The following FGF14 variants were observed in gnomAD, a reference collection of about 807,000 sequenced individuals.
FGF14 encodes fibroblast growth factor homologous factor 4.
Under a neutral mutation model 25.5 loss-of-function variants are expected in FGF14, and 5 were observed. The observed-to-expected ratio is 0.20, with a 90% confidence interval of 0.10 to 0.41. The LOEUF (loss-of-function observed/expected upper bound fraction) is 0.41, where lower values mean the gene tolerates loss of function less well. Ranked by LOEUF, FGF14 falls within the 10% of genes least tolerant of loss-of-function variation. FGF14 has a pLI of 1.00. For synonymous variants in FGF14, 138 were observed against 118.3 expected (o/e 1.17, Z -1.08); for missense variants, 222 against 320.1 (o/e 0.69, Z 2.34).
intron 1 of FGF14, among the ~76,000 whole-genome samples, chr13:102,040,788 T>C (rs979874409): frequency 3.3e-5 from 5 of 152,304 alleles, no homozygotes; most frequent in East Asian, 1.9e-4. Flanking sequence ...CCTGGGAAAA[T>C]TGCAGTGCCT....
rs370683665 is a variant in FGF14, at chr13:101,867,889, G to GACACACAC, written c.408+828_408+835dup. Among the ~76,000 whole-genome samples the GACACACAC allele has an allele frequency of 8.1e-3, 1,145 of 140,646 alleles. 3 individuals carry two copies. The highest frequency in any genetic ancestry group is 0.012 in the East Asian group (53 of 4,568). 92.3% of individuals were successfully genotyped at this position (140,646 alleles called of 152,430 possible). On this transcript the variant is annotated intron_variant, in intron 3 of 4. Coordinates refer to ENST00000376143, the MANE Select transcript of FGF14 (RefSeq NM_004115.4). The stretch of plus-strand genomic sequence containing the variant: ...CCCCCTGGAGAATGTTTCTGTTTAA[G>GACACACAC]ACACACACACACACACACACACACA...
chr13:102,153,089 A>C (rs115477606), intron 1 of FGF14, among the ~76,000 whole-genome samples: 39 of 152,282 alleles, frequency 2.6e-4, no homozygotes, highest in African/African-American at 9.4e-4. Context: ...CTATAGAGTG[A>C]AGCGATTAAC....
At chr13:101,959,196 C>T (rs1007310681) in intron 1 of FGF14, among the ~76,000 whole-genome samples, 3 of 152,130 alleles carry the variant, frequency 2.0e-5, no homozygotes, top group African/African-American at 7.2e-5. Context: ...TTGTGCCACC[C>T]TGATCTGACA....
intron 1 of FGF14, among the ~76,000 whole-genome samples, chr13:102,246,437 C>G (rs1388551627): frequency 6.6e-6 from 1 of 151,886 alleles, no homozygotes; most frequent in Non-Finnish European, 1.5e-5. Context: ...AATGGCAAAC[C>G]CTCAACTTAT....
At chr13:102,372,374 A>G (rs2057910571) in intron 1 of FGF14, among the ~76,000 whole-genome samples, 1 of 152,190 alleles carries the variant, frequency 6.6e-6, no homozygotes, top group Admixed American at 6.5e-5. Flanking sequence ...ACAGAAATCT[A>G]GTTATTCATC....
intron 3 of FGF14, among the ~76,000 whole-genome samples, chr13:101,786,592 G>A (rs2039842056): frequency 6.6e-6 from 1 of 151,992 alleles, no homozygotes. Context: ...ACATGTCTGT[G>A]TCCTAATTTC....
chr13:101,749,500 A>C (rs9585771), intron 3 of FGF14, among the ~76,000 whole-genome samples: 7,722 of 152,200 alleles, frequency 0.051, 213 homozygotes, highest in Middle Eastern at 0.065. Context: ...AAAAGGGTTA[A>C]GATGGTAAAT....
intron 1 of FGF14, among the ~76,000 whole-genome samples, chr13:102,065,248 G>T (rs754914851): frequency 5.9e-5 from 9 of 152,044 alleles, no homozygotes; most frequent in Non-Finnish European, 1.2e-4. Context: ...ATATATTACT[G>T]TAAGTGTTTA....
At chr13:102,383,247 T>A (rs1447169863) in intron 1 of FGF14, among the ~76,000 whole-genome samples, 1 of 152,124 alleles carries the variant, frequency 6.6e-6, no homozygotes, top group Non-Finnish European at 1.5e-5. Flanking sequence ...AAAATAATTG[T>A]TATATCAATT....
chr13:101,915,820 T>G (rs2033414719), intron 1 of FGF14, among the ~76,000 whole-genome samples: 1 of 152,230 alleles, frequency 6.6e-6, no homozygotes, highest in Non-Finnish European at 1.5e-5. Context: ...CCTGAGCCTC[T>G]GTCCCCATCC....
chr13:102,013,540 A>C (rs2040188418), intron 1 of FGF14, among the ~76,000 whole-genome samples: 1 of 152,178 alleles, frequency 6.6e-6, no homozygotes, highest in East Asian at 1.9e-4. Context: ...TTCCCCACTG[A>C]AACATGAATT....
intron 1 of FGF14, among the ~76,000 whole-genome samples, chr13:102,140,048 C>T (rs989196466): frequency 7.0e-6 from 1 of 142,622 alleles, no homozygotes; most frequent in South Asian, 2.4e-4. Flanking sequence ...TCAAGACCCC[C>T]CCCCCCCCTT....
In FGF14 at chr13:102,314,484, T is replaced by C. The variant is rs539406725; in HGVS notation, c.208+86987A>G. ...TTCAACAAACCGAACATATTAATAC[T>C]ATATGGAATGTCTGCATTTTCCAGA... is the stretch of plus-strand genomic sequence containing the variant. On this transcript the variant is annotated intron_variant, in intron 1 of 4. Transcript: ENST00000376131. 3.3e-5 allele frequency among the ~76,000 whole-genome samples: 5 copies of C among 152,282 alleles called. No homozygotes were observed. In the East Asian group the frequency reaches 7.7e-4, roughly 24 times the overall value.
intron 1 of FGF14, among the ~76,000 whole-genome samples, chr13:102,200,864 A>T (rs2049589699): frequency 6.6e-6 from 1 of 152,088 alleles, no homozygotes; most frequent in Admixed American, 6.6e-5. Context: ...GCACATTGGG[A>T]GGACAAGGCG....
chr13:102,388,883 C>A (rs2058368310), intron 1 of FGF14, among the ~76,000 whole-genome samples: 1 of 152,124 alleles, frequency 6.6e-6, no homozygotes, highest in African/African-American at 2.4e-5. Context: ...AATTCCTCTA[C>A]AAGGCTTTTG....
intron 1 of FGF14, among the ~76,000 whole-genome samples, chr13:102,372,594 G>A (rs1264466353): frequency 6.6e-6 from 1 of 152,088 alleles, no homozygotes; most frequent in Non-Finnish European, 1.5e-5. Context: ...CCCATGTGCT[G>A]TGGCATTAGG....
intron 1 of FGF14, among the ~76,000 whole-genome samples, chr13:102,162,605 C>T (rs980450906): frequency 1.3e-5 from 2 of 152,116 alleles, no homozygotes; most frequent in Admixed American, 6.6e-5. Context: ...ACTAGGCAGA[C>T]GTCCTGATCT....
At chr13:102,087,407 CTTTTTT>C (rs71125043) in intron 1 of FGF14, among the ~76,000 whole-genome samples, 4 of 84,446 alleles carry the variant, frequency 4.7e-5, no homozygotes, top group East Asian at 3.9e-4. Context: ...ACTGTAATTT[CTTTTTT>C]TTTTTTTTTT....
intron 1 of FGF14, among the ~76,000 whole-genome samples, chr13:102,269,761 T>G (rs1455090384): frequency 1.3e-5 from 2 of 152,016 alleles, no homozygotes; most frequent in Non-Finnish European, 2.9e-5. Context: ...TCCCCGCTAC[T>G]CGGGAGAATG....
Sources: allele counts gnomAD v4.1 joint callset (sites outside exome capture counted in the v4.1 genomes callset), GRCh38; gene constraint gnomAD v4.1.1; transcripts MANE v1.5; gene names NCBI Gene and HGNC (gene_info 2026-07-23, HGNC 2026-07-21).